The following SACM1L variants were observed in gnomAD, a reference collection of about 807,000 sequenced individuals.
SACM1L encodes SAC1 like phosphatidylinositide phosphatase.
Under a neutral mutation model 89.5 loss-of-function variants are expected in SACM1L, and 32 were observed. That is an observed-to-expected ratio of 0.36 (90% CI 0.27 to 0.48). SACM1L has a LOEUF of 0.48. Among genes scored for constraint, SACM1L ranks in the 20% least tolerant of loss-of-function variants. The pLI is 0.99. For missense variants in SACM1L, 543 were observed against 708.5 expected, an observed-to-expected ratio of 0.77 and a Z score of 2.65; for synonymous variants, 213 against 232.8, an observed-to-expected ratio of 0.92 and a Z score of 0.77.
chr3:45,730,722 A>G (rs748810900), intron 11 of SACM1L: 3 of 152,226 alleles, frequency 2.0e-5, no homozygotes, highest in Admixed American at 6.5e-5. Context: ...TGAAAGTCCT[A>G]ATTTCCTAAG....
At chr3:45,714,014 A>T in intron 6 of SACM1L, 32 bp from the exon 7 acceptor site, 1 of 1,213,810 alleles carries the variant, frequency 8.2e-7, no homozygotes, top group Non-Finnish European at 1.2e-6. Context: ...TTTTTAAAGT[A>T]TATTTATTCT....
At position 45,737,595 on chromosome 3, in the gene SACM1L, T is replaced by G; in HGVS notation, c.1252T>G (p.Leu418Val). ...LQAQLQRLGV[L>V]HVGQKLEEQD... ...TTTTTTATTCCAGAGACTAGGAGTTTTGCATGTGGGACAAAAGCTTGAAGA... is the reference window on the plus strand; with the variant it reads ...TTTTTTATTCCAGAGACTAGGAGTTGTGCATGTGGGACAAAAGCTTGAAGA... The change falls in exon 15 of 20, where the codon TTG (leucine) becomes GTG (valine). Residue 418 changes from leucine to valine, a missense_variant. Physicochemically the swap from Leu to Val is conservative, Grantham distance 32. Coordinates refer to ENST00000389061, the MANE Select transcript of SACM1L (RefSeq NM_014016.5). The G allele has an allele frequency of 6.3e-7, 1 of 1,595,038 alleles. No homozygotes were observed. The highest frequency in any genetic ancestry group is 1.2e-5 in the South Asian group (1 of 86,632).
intron 1 of SACM1L, among the ~76,000 whole-genome samples, chr3:45,691,598 G>GC (rs1553649094): frequency 1.3e-5 from 2 of 150,150 alleles, no homozygotes; most frequent in South Asian, 4.2e-4. Flanking sequence ...TGAAATGCTT[G>GC]TTTTTTTTTT....
At position 45,738,856 on chromosome 3, in the gene SACM1L, G is replaced by A. The variant is rs774654892; in HGVS notation, c.1552G>A (p.Asp518Asn). ...TCATAGTCCTTTAAGTGTTCCAAGG[G>A]ACTGGAAATTCCTGGCTGTAAGAAA... ...ESHSPLSVPR[D>N]WKFLALPIIM... Residue 518 changes from aspartate (D) to asparagine (N), a missense_variant, in exon 18 of 20, where the codon GAC (aspartate) becomes AAC (asparagine). This residue lies in a region of SACM1L where 370 missense variants were observed against 527.6 expected (regional missense o/e 0.70). Coordinates refer to ENST00000389061, the MANE Select transcript of SACM1L (RefSeq NM_014016.5). 75 of 1,604,646 alleles carry A rather than the reference G, an allele frequency of 4.7e-5. 3 individuals are homozygous for A. In the South Asian group the frequency reaches 7.6e-4, roughly 16 times the overall value.
intron 2 of SACM1L, 144 bp from the exon 3 acceptor site, chr3:45,704,991 C>T: frequency 1.7e-6 from 1 of 572,000 alleles, no homozygotes; most frequent in Admixed American, 3.1e-5. Flanking sequence ...ATCAATAGTG[C>T]ATTTAAGTTA....
intron 1 of SACM1L, among the ~76,000 whole-genome samples, chr3:45,693,390 T>C (rs1698045444): frequency 6.6e-6 from 1 of 152,344 alleles, no homozygotes; most frequent in South Asian, 2.1e-4. Flanking sequence ...CTTTCCAGTA[T>C]AGACCACGTA....
chr3:45,707,045 C>T, intron 4 of SACM1L, 138 bp downstream of exon 4: 1 of 643,482 alleles, frequency 1.6e-6, no homozygotes, highest in East Asian at 3.4e-5. Context: ...ACTCTACCTA[C>T]TTTTCTACCT....
At chr3:45,726,352 C>T (rs1258975470) in intron 11 of SACM1L, among the ~76,000 whole-genome samples, 1 of 145,176 alleles carries the variant, frequency 6.9e-6, no homozygotes, top group Non-Finnish European at 1.5e-5. Context: ...TGTTAGGAGA[C>T]TTTTTTTTTT....
chr3:45,720,901 C>T (rs1559545386), intron 8 of SACM1L, among the ~76,000 whole-genome samples: 1 of 152,194 alleles, frequency 6.6e-6, no homozygotes, highest in Non-Finnish European at 1.5e-5. Flanking sequence ...TTAGGAAATA[C>T]TTGGCACAGT....
chr3:45,727,769 G>A (rs1698956666), intron 11 of SACM1L, among the ~76,000 whole-genome samples: 1 of 152,026 alleles, frequency 6.6e-6, no homozygotes, highest in African/African-American at 2.4e-5. Flanking sequence ...CTGATTTTTT[G>A]TATTTTTAGT....
In SACM1L at chr3:45,726,872, T is replaced by TC. The variant is rs1559548024; in HGVS notation, c.921+3329_921+3330insC. 3.0e-3 allele frequency among the ~76,000 whole-genome samples: 53 copies of TC among 17,512 alleles called. 14 individuals are homozygous for TC. Among genetic ancestry groups the TC allele is most frequent in the Non-Finnish European group, 6.2e-3 (40 of 6,502 alleles). 11.5% of individuals were successfully genotyped at this position (17,512 alleles called of 152,430 possible). A position where few individuals can be genotyped will look rare whatever the true frequency, so the allele number is the denominator to read the frequency against. On this transcript the variant is annotated intron_variant, in intron 11 of 19. Coordinates refer to ENST00000389061, the MANE Select transcript of SACM1L (RefSeq NM_014016.5). ...CAGCACTGCTTTTGCTTTATTTCTT[T>TC]TTTTTTTTTTTTTTTTTTTTTTTTG... is the stretch of plus-strand genomic sequence containing the variant.
intron 19 of SACM1L, among the ~76,000 whole-genome samples, chr3:45,740,822 T>C (rs918668247): frequency 3.9e-5 from 6 of 152,216 alleles, no homozygotes; most frequent in Non-Finnish European, 7.3e-5. Flanking sequence ...CTGCAAAGTA[T>C]TCCATTTATG....
intron 5 of SACM1L, among the ~76,000 whole-genome samples, chr3:45,711,615 A>G (rs1698533041): frequency 6.8e-6 from 1 of 147,708 alleles, no homozygotes; most frequent in South Asian, 2.1e-4. Flanking sequence ...AAGACGGTCT[A>G]AAAAAAAAAA....
chr3:45,733,952 A>T (rs1699136044), intron 13 of SACM1L, among the ~76,000 whole-genome samples: 1 of 152,242 alleles, frequency 6.6e-6, no homozygotes, highest in Admixed American at 6.5e-5. Context: ...TCATAGAATT[A>T]TCAAGGAGCT....
intron 1 of SACM1L, among the ~76,000 whole-genome samples, chr3:45,700,239 G>C (rs59634675): frequency 1.3e-5 from 2 of 152,282 alleles, no homozygotes; most frequent in African/African-American, 4.8e-5. Context: ...GTTAAAAATA[G>C]CATTAGTTAT....
intron 11 of SACM1L, among the ~76,000 whole-genome samples, chr3:45,724,283 C>T (rs879643578): frequency 7.1e-6 from 1 of 139,874 alleles, no homozygotes; most frequent in Non-Finnish European, 1.5e-5. Context: ...TCCTTGCTGA[C>T]AATTGTTGTT....
intron 12 of SACM1L, among the ~76,000 whole-genome samples, chr3:45,731,814 G>C (rs1245750218): frequency 6.6e-6 from 1 of 152,102 alleles, no homozygotes; most frequent in Non-Finnish European, 1.5e-5. Context: ...ATATTTTCAT[G>C]TTTATATCTG....
At chr3:45,741,712 T>C (rs1181509973) in intron 19 of SACM1L, among the ~76,000 whole-genome samples, 2 of 152,178 alleles carry the variant, frequency 1.3e-5, no homozygotes, top group African/African-American at 4.8e-5. Context: ...AGCCATCTTA[T>C]TATTATTATA....
Position 45,705,214 on chromosome 3 carries a change from G to A in SACM1L, c.205+5G>A, listed in dbSNP as rs199854051. The stretch of plus-strand genomic sequence containing the variant: ...GCACAATCCATCTGGTGGCAGGTAA[G>A]AGAAAATAAGCTAAGATGGGCAAAG... On this transcript the variant is annotated splice_donor_5th_base_variant and intron_variant, in intron 3 of 19. Transcript: ENST00000389061. 1.0e-5 allele frequency: 16 copies of A among 1,590,430 alleles called. No homozygotes were observed. The African/African-American group carries it at 2.0e-4, about 20-fold the overall frequency.
Sources: gnomAD v4.1 joint callset for allele counts (sites outside exome capture counted in the v4.1 genomes callset) on GRCh38, gnomAD v4.1.1 for gene constraint, gnomAD v4.1.1 regional missense constraint, MANE v1.5 for transcripts, NCBI Gene and HGNC (gene_info 2026-07-23, HGNC 2026-07-21) for gene names.